Variants in SHPK observed in about 807,000 individuals in gnomAD.
The protein encoded by SHPK is carbohydrate kinase-like protein.
SHPK carries 51 observed loss-of-function variants against 46.3 expected under a neutral mutation model. The observed-to-expected ratio is 1.10, with a 90% confidence interval of 0.88 to 1.39. The LOEUF is 1.39. Among genes scored for constraint, SHPK ranks in the 40% most tolerant of loss-of-function variants. The pLI is 0.00. For missense variants in SHPK, 668 were observed against 641.3 expected (o/e 1.04, Z -0.45); for synonymous variants, 290 against 273.9 (o/e 1.06, Z -0.58).
Position 3,615,557 on chromosome 17 carries a change from G to C in SHPK, c.824-20C>G. 1.2e-6 allele frequency: 2 copies of C among 1,611,990 alleles called. No homozygotes were observed. Among genetic ancestry groups the C allele is most frequent in the Non-Finnish European group, 1.7e-6 (2 of 1,178,272 alleles). ...TGAGAACTGGGGTCCGAAGAGAGCA[G>C]AGCTTAGGCCTGTCGGGCTAACTCA... On this transcript the variant is annotated intron_variant, in intron 5 of 6. Transcript: ENST00000225519.
rs769467522 is a variant in SHPK, at chr17:3,610,637, A to C, written c.1360T>G (p.Phe454Val). The part of the protein sequence containing the change: ...VQRAFPLPMS[F>V]GQDVDAAVGA... ...ACAGCTGCATCCACATCCTGCCCAA[A>C]GGACATGGGCAAAGGGAAAGCCCTC... Residue 454 changes from phenylalanine (F) to valine (V), a missense_variant, in exon 7 of 7, where the codon TTT becomes GTT. By Grantham distance (50) the Phe-to-Val change is conservative. Coordinates refer to ENST00000225519, the MANE Select transcript of SHPK (RefSeq NM_013276.4). 4.3e-6 allele frequency: 7 copies of C among 1,613,860 alleles called. No individual in the cohort carries two copies. The Admixed American group carries it at 8.3e-5, about 19-fold the overall frequency.
At chr17:3,615,562 T>G in intron 5 of SHPK, 25 bp from the exon 6 acceptor site, 1 of 1,608,124 alleles carries the variant, frequency 6.2e-7, no homozygotes, top group Non-Finnish European at 8.5e-7. Context: ...GAGCAGAGCT[T>G]AGGCCTGTCG....
At chr17:3,632,377 C>G (rs1285927627) in intron 1 of SHPK, among the ~76,000 whole-genome samples, 1 of 152,184 alleles carries the variant, frequency 6.6e-6, no homozygotes, top group Non-Finnish European at 1.5e-5. Flanking sequence ...GATCCCAGAA[C>G]TTTGAGACCA....
intron 2 of SHPK, 100 bp downstream of exon 2, chr17:3,630,105 T>C (rs947976906): frequency 1.9e-5 from 27 of 1,457,306 alleles, no homozygotes; most frequent in Non-Finnish European, 2.6e-5. Context: ...CTATTCCCAC[T>C]GCAGGATAAC....
In SHPK at chr17:3,621,360, CA is replaced by C; in HGVS notation, c.699del (p.Gly234AlafsTer108). The part of the protein sequence containing the change: ...PVHLLPDIAE[P>X]GSVAGRTSHM... ...TGGGAAGTTCTGCCCGCCACACTGC[CA>C]GGCTCGGCGATGTCTGGGAGCAGGT... On this transcript the variant is annotated frameshift_variant, in exon 5 of 7. Transcript: ENST00000225519. LOFTEE classifies it high-confidence loss of function. 1.2e-6 allele frequency: 2 copies of C among 1,614,168 alleles called. No individual in the cohort carries two copies.
intron 2 of SHPK, among the ~76,000 whole-genome samples, chr17:3,628,701 T>G (rs1410287257): frequency 6.6e-6 from 1 of 152,076 alleles, no homozygotes; most frequent in African/African-American, 2.4e-5. Context: ...CATGCTGGAG[T>G]GCAGTGGAGC....
rs1255074428 is a variant in SHPK at position 3,610,209 on chromosome 17, G to A, written c.*351C>T. ...AAAGCCACCAGACTTTCTGGTGTCT[G>A]AAGTACACATTGATCTGCTCTCTGT... On this transcript the variant is annotated 3_prime_UTR_variant, in exon 7 of 7. Coordinates refer to ENST00000225519, the MANE Select transcript of SHPK (RefSeq NM_013276.4). The A allele has an allele frequency of 4.9e-6, 1 of 205,042 alleles. No homozygotes were observed. The highest frequency in any genetic ancestry group is 1.1e-4 in the East Asian group (1 of 9,286). 12.7% of individuals were successfully genotyped at this position (205,042 alleles called of 1,614,324 possible). A position where few individuals can be genotyped will look rare whatever the true frequency, so the allele number is the denominator to read the frequency against.
intron 2 of SHPK, among the ~76,000 whole-genome samples, chr17:3,629,771 T>A: frequency 6.9e-6 from 1 of 145,074 alleles, no homozygotes; most frequent in Admixed American, 6.9e-5. Flanking sequence ...ATTTTCAAAA[T>A]CACAAATATG....
chr17:3,634,219 A>C, intron 1 of SHPK, among the ~76,000 whole-genome samples: 1 of 146,492 alleles, frequency 6.8e-6, no homozygotes, highest in Non-Finnish European at 1.5e-5. Flanking sequence ...TTGTCCTATG[A>C]CCCTGCCAAA....
intron 6 of SHPK, among the ~76,000 whole-genome samples, chr17:3,614,134 G>A (rs181905535): frequency 6.6e-6 from 1 of 152,306 alleles, no homozygotes. Context: ...AACAAAGAAG[G>A]GAAGGGACTT....
At chr17:3,632,483 G>A (rs2075478741) in intron 1 of SHPK, among the ~76,000 whole-genome samples, 1 of 152,160 alleles carries the variant, frequency 6.6e-6, no homozygotes, top group African/African-American at 2.4e-5. Context: ...TGGTCCCAGG[G>A]TGAGTGGGTG....
chr17:3,611,847 T>C (rs1388242431), intron 6 of SHPK, among the ~76,000 whole-genome samples: 1 of 133,040 alleles, frequency 7.5e-6, no homozygotes, highest in East Asian at 2.5e-4. Flanking sequence ...TCACCCAGGC[T>C]GGAGTGCAGT....
At position 3,610,673 on chromosome 17, in the gene SHPK, G is replaced by A. The variant is rs1490131763; in HGVS notation, c.1324C>T (p.Gln442Ter). 25 of 1,614,084 alleles carry A rather than the reference G, an allele frequency of 1.5e-5. No homozygotes were observed. The highest frequency in any genetic ancestry group is 2.1e-5 in the Non-Finnish European group (25 of 1,180,022). ...SALSRNDVLK[Q>*]EVQRAFPLPM... is the part of the protein sequence containing the mutation. Reference sequence around the variant, plus strand: ...AAAGGGAAAGCCCTCTGCACCTCCTGCTTCAGCACGTCATTCCTGGACAGC... The same window carrying A: ...AAAGGGAAAGCCCTCTGCACCTCCTACTTCAGCACGTCATTCCTGGACAGC... Residue 442 changes from glutamine (Q) to a stop codon, truncating the protein, a stop_gained, in exon 7 of 7, where the codon CAG becomes TAG. Coordinates refer to ENST00000225519, the MANE Select transcript of SHPK (RefSeq NM_013276.4). LOFTEE classifies it high-confidence loss of function.
At chr17:3,624,007 C>T (rs756197114) in intron 3 of SHPK, 41 bp downstream of exon 3, 37 of 1,562,886 alleles carry the variant, frequency 2.4e-5, no homozygotes, top group East Asian at 6.8e-5. Flanking sequence ...TCTCATTCTC[C>T]CGGAAACCCA....
chr17:3,635,258 A>AGGAGTTTCTGAGATGG (rs2075509730), intron 1 of SHPK, among the ~76,000 whole-genome samples: 1 of 109,880 alleles, frequency 9.1e-6, no homozygotes, highest in South Asian at 3.5e-4. Flanking sequence ...AAGGAAGGGA[A>AGGAGTTTCTGAGATGG]GGAGTCTCGC....
intron 1 of SHPK, among the ~76,000 whole-genome samples, chr17:3,631,730 C>T (rs2075473711): frequency 6.6e-6 from 1 of 151,370 alleles, no homozygotes; most frequent in African/African-American, 2.4e-5. Context: ...GCCACGTTGG[C>T]CAGGCTGGTC....
chr17:3,634,343 G>C (rs891050605), intron 1 of SHPK, among the ~76,000 whole-genome samples: 1 of 151,768 alleles, frequency 6.6e-6, no homozygotes, highest in Non-Finnish European at 1.5e-5. Context: ...ACCGAGGCAG[G>C]CAGATCAGTT....
intron 5 of SHPK, among the ~76,000 whole-genome samples, chr17:3,618,484 A>T (rs993059944): frequency 1.3e-5 from 2 of 152,164 alleles, no homozygotes; most frequent in African/African-American, 4.8e-5. Flanking sequence ...ATACCACATT[A>T]TAAAAATTCA....
Position 3,636,056 on chromosome 17 carries a change from G to C in SHPK, c.164C>G (p.Pro55Arg). The change falls in exon 1 of 7, where the codon CCC (proline) becomes CGC (arginine). Residue 55 changes from proline to arginine, a missense_variant. Pro to Arg is a moderately radical substitution (Grantham distance 103, BLOSUM62 -2). Coordinates refer to ENST00000225519, the MANE Select transcript of SHPK (RefSeq NM_013276.4). Reference sequence around the variant, plus strand: ...GGCCCCGGGGGTCCAACTCACCTGGGGCCCGGCCACCGCGCTCTCGACCGC... The same window carrying C: ...GGCCCCGGGGGTCCAACTCACCTGGCGCCCGGCCACCGCGCTCTCGACCGC... ...EAAVESAVAG[P>R]QGREQDVSRI... 1.3e-6 allele frequency: 2 copies of C among 1,558,860 alleles called. No homozygotes were observed. The highest frequency in any genetic ancestry group is 3.8e-5 in the Admixed American group (2 of 52,124).
Sources: gnomAD v4.1 joint callset for allele counts (sites outside exome capture counted in the v4.1 genomes callset) on GRCh38, gnomAD v4.1.1 for gene constraint, MANE v1.5 for transcripts, NCBI Gene and HGNC (gene_info 2026-07-23, HGNC 2026-07-21) for gene names.